KCNIP4: variants seen among roughly 807,000 people sequenced by gnomAD.
KCNIP4 encodes the protein Kv channel-interacting protein 4.
KCNIP4 carries 12 observed loss-of-function variants against 34.0 expected under a neutral mutation model. The ratio of observed to expected loss-of-function variants is 0.35; its 90% CI spans 0.23 to 0.57. The LOEUF (loss-of-function observed/expected upper bound fraction) is 0.57, where lower values mean the gene tolerates loss of function less well. Among genes scored for constraint, KCNIP4 ranks in the 20% least tolerant of loss-of-function variants. The probability of loss-of-function intolerance (pLI) is 0.83; values close to 1 mark genes in which losing one functional copy is unlikely to be tolerated. For synonymous variants in KCNIP4, 124 were observed against 102.2 expected (o/e 1.21, Z -1.29); for missense variants, 238 against 311.7 (o/e 0.76, Z 1.78).
chr4:20,841,097 C>G (rs943553937), intron 3 of KCNIP4, among the ~76,000 whole-genome samples: 1 of 152,128 alleles, frequency 6.6e-6, no homozygotes, highest in African/African-American at 2.4e-5. Flanking sequence ...GAGCCATGCT[C>G]TTTCACTCCC....
At chr4:21,152,915 G>A (rs561877150) in intron 1 of KCNIP4, among the ~76,000 whole-genome samples, 6 of 152,220 alleles carry the variant, frequency 3.9e-5, no homozygotes, top group Non-Finnish European at 7.4e-5. Flanking sequence ...AACCCTGTCT[G>A]TGGAAAAATT....
intron 1 of KCNIP4, among the ~76,000 whole-genome samples, chr4:21,662,770 T>A (rs537726480): frequency 6.6e-6 from 1 of 152,276 alleles, no homozygotes; most frequent in East Asian, 1.9e-4. Flanking sequence ...ACTGGACACA[T>A]AAATATTGTT....
At position 20,999,070 on chromosome 4, in the gene KCNIP4, A is replaced by G. The variant is rs570751255; in HGVS notation, c.62-116361T>C. Among the ~76,000 whole-genome samples, 3 of 152,338 alleles carry G rather than the reference A, an allele frequency of 2.0e-5. No individual in the cohort carries two copies. The East Asian group carries it at 5.8e-4, about 29-fold the overall frequency. On this transcript the variant is annotated intron_variant, in intron 1 of 8. Coordinates refer to ENST00000382152, the MANE Select transcript of KCNIP4 (RefSeq NM_025221.6). ...CATCCTGGGAGCTCATTTCACAGAC[A>G]CTTAACTCACTCTTCATTCTAGACA...
At chr4:20,820,703 C>T (rs1371916454) in intron 3 of KCNIP4, among the ~76,000 whole-genome samples, 1 of 152,138 alleles carries the variant, frequency 6.6e-6, no homozygotes, top group Non-Finnish European at 1.5e-5. Flanking sequence ...ATCACAGGCC[C>T]AGAATGCCAG....
At chr4:20,945,466 C>T (rs1732094730) in intron 1 of KCNIP4, among the ~76,000 whole-genome samples, 1 of 152,166 alleles carries the variant, frequency 6.6e-6, no homozygotes, top group African/African-American at 2.4e-5. Flanking sequence ...TGCCTTGCTT[C>T]CTTGTTGGTA....
intron 1 of KCNIP4, among the ~76,000 whole-genome samples, chr4:21,069,094 T>A (rs1469240706): frequency 6.6e-6 from 1 of 152,198 alleles, no homozygotes; most frequent in Non-Finnish European, 1.5e-5. Flanking sequence ...AATAAATAAA[T>A]TGCTCTTTGT....
chr4:21,044,484 G>A lies in KCNIP4; in HGVS notation c.62-161775C>T, dbSNP rs534409906. On this transcript the variant is annotated intron_variant, in intron 1 of 8. Coordinates refer to ENST00000382152, the MANE Select transcript of KCNIP4 (RefSeq NM_025221.6). ...CTGCCACCATGCCCGGCTAATTTTT[G>A]TATTTTTAGTAGAGACAGGGTTTCA... Among the ~76,000 whole-genome samples the A allele has an allele frequency of 2.0e-5, 3 of 151,894 alleles. No homozygotes were observed. The East Asian group carries it at 5.8e-4, about 29-fold the overall frequency.
intron 1 of KCNIP4, among the ~76,000 whole-genome samples, chr4:20,917,679 G>A (rs548753132): frequency 1.3e-5 from 2 of 152,240 alleles, no homozygotes; most frequent in South Asian, 4.1e-4. Context: ...GACATCTCAG[G>A]GCTGAGTAGG....
At chr4:20,960,237 T>A (rs1381347347) in intron 1 of KCNIP4, among the ~76,000 whole-genome samples, 1 of 152,182 alleles carries the variant, frequency 6.6e-6, no homozygotes, top group Non-Finnish European at 1.5e-5. Flanking sequence ...CTTATTTTCT[T>A]AAAGTATTTT....
intron 1 of KCNIP4, among the ~76,000 whole-genome samples, chr4:21,310,844 G>A (rs981310448): frequency 6.6e-5 from 10 of 151,710 alleles, no homozygotes; most frequent in Non-Finnish European, 1.5e-4. Flanking sequence ...TAGCCAGGAC[G>A]GTCTGGATCG....
intron 1 of KCNIP4, among the ~76,000 whole-genome samples, chr4:21,315,776 C>T (rs1713683590): frequency 6.6e-6 from 1 of 152,144 alleles, no homozygotes; most frequent in African/African-American, 2.4e-5. Flanking sequence ...CCTCTCTTCC[C>T]TTCTGATCTA....
chr4:21,382,435 G>A (rs1253692702), intron 1 of KCNIP4, among the ~76,000 whole-genome samples: 1 of 152,154 alleles, frequency 6.6e-6, no homozygotes, highest in Non-Finnish European at 1.5e-5. Flanking sequence ...GCAGTATAAT[G>A]ATCCAAGAGG....
intron 1 of KCNIP4, among the ~76,000 whole-genome samples, chr4:21,541,375 C>T (rs1577562831): frequency 6.6e-6 from 1 of 152,104 alleles, no homozygotes; most frequent in East Asian, 1.9e-4. Context: ...TAAACCTACT[C>T]TTACCCTTTT....
intron 1 of KCNIP4, among the ~76,000 whole-genome samples, chr4:21,772,173 G>C (rs367558369): frequency 3.9e-5 from 6 of 152,260 alleles, no homozygotes; most frequent in African/African-American, 1.4e-4. Context: ...TGCATCTATT[G>C]AGATAATCAT....
intron 1 of KCNIP4, among the ~76,000 whole-genome samples, chr4:20,966,658 A>G (rs1734379217): frequency 6.6e-6 from 1 of 152,228 alleles, no homozygotes; most frequent in Non-Finnish European, 1.5e-5. Flanking sequence ...TAACAGAACT[A>G]AGCTTATTAT....
At chr4:21,545,224 G>T (rs942374334) in intron 1 of KCNIP4, among the ~76,000 whole-genome samples, 5 of 152,176 alleles carry the variant, frequency 3.3e-5, no homozygotes, top group Admixed American at 2.0e-4. Context: ...CTAAAAAGGG[G>T]AGGAACACTC....
At chr4:20,959,136 T>C (rs890796688) in intron 1 of KCNIP4, among the ~76,000 whole-genome samples, 3 of 152,224 alleles carry the variant, frequency 2.0e-5, no homozygotes, top group Admixed American at 6.5e-5. Context: ...GTATTTTTCA[T>C]GTGCACTAAG....
intron 1 of KCNIP4, among the ~76,000 whole-genome samples, chr4:21,824,174 A>C (rs28409267): frequency 0.48 from 73,329 of 152,020 alleles, 18,267 homozygotes; most frequent in African/African-American, 0.54. Context: ...TGCTCCTGTT[A>C]TTCCTGGATA....
At chr4:21,220,590 C>A (rs767947446) in intron 1 of KCNIP4, among the ~76,000 whole-genome samples, 7 of 151,852 alleles carry the variant, frequency 4.6e-5, no homozygotes, top group African/African-American at 1.4e-4. Flanking sequence ...TAAAGAAGTT[C>A]TCTTTTTTTA....
Sources: allele counts gnomAD v4.1 joint callset (sites outside exome capture counted in the v4.1 genomes callset), GRCh38; gene constraint gnomAD v4.1.1; transcripts MANE v1.5; gene names NCBI Gene and HGNC (gene_info 2026-07-23, HGNC 2026-07-21).